Variants in NEGR1 observed in about 807,000 individuals in gnomAD.
NEGR1 encodes the protein IgLON family member 4.
A neutral mutation model predicts 40.9 loss-of-function variants in NEGR1; 10 were observed. The observed-to-expected ratio is 0.24, with a 90% CI of 0.15 to 0.42. The LOEUF (loss-of-function observed/expected upper bound fraction) is 0.42. Among genes scored for constraint, NEGR1 ranks in the 10% least tolerant of loss-of-function variants. The probability of loss-of-function intolerance (pLI) is 1.00; values close to 1 mark genes in which losing one functional copy is unlikely to be tolerated. For synonymous variants in NEGR1, 185 were observed against 166.8 expected, an observed-to-expected ratio of 1.11 and a Z score of -0.84; for missense variants, 352 against 438.9, an observed-to-expected ratio of 0.80 and a Z score of 1.77.
chr1:72,118,528 G>T lies in NEGR1; in HGVS notation c.176+163791C>A, dbSNP rs1291753159. 5.3e-5 allele frequency among the ~76,000 whole-genome samples: 8 copies of T among 151,912 alleles called. No individual in the cohort carries two copies. In the East Asian group the frequency reaches 1.6e-3, roughly 30 times the overall value. Reference sequence around the variant, plus strand: ...GGCAATAATTAGGGCAACAGCTAAGGTGGTGTGATCCTGGAAGACAGTCAG... The same window carrying T: ...GGCAATAATTAGGGCAACAGCTAAGTTGGTGTGATCCTGGAAGACAGTCAG... On this transcript the variant is annotated intron_variant, in intron 1 of 6. Transcript: ENST00000357731.
intron 6 of NEGR1, among the ~76,000 whole-genome samples, chr1:71,566,467 G>C (rs1648622735): frequency 1.3e-5 from 2 of 152,176 alleles, no homozygotes; most frequent in Non-Finnish European, 2.9e-5. Flanking sequence ...TTGCTGTGGT[G>C]GTCTGTGTGC....
chr1:71,630,624 A>T (rs1342081391), intron 4 of NEGR1, among the ~76,000 whole-genome samples: 2 of 151,688 alleles, frequency 1.3e-5, no homozygotes, highest in African/African-American at 2.4e-5. Flanking sequence ...GTATCAAATA[A>T]TTTTTTATGT....
chr1:71,608,457 T>G (rs184958116), intron 5 of NEGR1, among the ~76,000 whole-genome samples: 1 of 148,928 alleles, frequency 6.7e-6, no homozygotes, highest in Non-Finnish European at 1.5e-5. Flanking sequence ...TTTCTATATT[T>G]ACTATAGGCC....
At chr1:71,548,374 T>G (rs553175571) in intron 6 of NEGR1, among the ~76,000 whole-genome samples, 14 of 151,756 alleles carry the variant, frequency 9.2e-5, no homozygotes, top group Admixed American at 6.6e-4. Flanking sequence ...TGAGGCACCC[T>G]CCATGCTGCC....
chr1:72,114,517 T>C (rs1396970533), intron 1 of NEGR1, among the ~76,000 whole-genome samples: 8 of 151,794 alleles, frequency 5.3e-5, no homozygotes, highest in Non-Finnish European at 2.9e-5. Flanking sequence ...TAGATAGAGC[T>C]CCGTTTCTCT....
chr1:71,902,603 C>T (rs1661171401), intron 2 of NEGR1, among the ~76,000 whole-genome samples: 2 of 152,142 alleles, frequency 1.3e-5, no homozygotes, highest in Non-Finnish European at 2.9e-5. Flanking sequence ...TTTATCATTT[C>T]ACCTTTGAAT....
At chr1:71,444,768 A>T (rs1320277057) in intron 6 of NEGR1, among the ~76,000 whole-genome samples, 2 of 152,128 alleles carry the variant, frequency 1.3e-5, no homozygotes, top group Non-Finnish European at 1.5e-5. Flanking sequence ...TGTAGACAAC[A>T]ATATATTTCC....
chr1:71,558,975 A>G (rs763186670), intron 6 of NEGR1, among the ~76,000 whole-genome samples: 44 of 147,866 alleles, frequency 3.0e-4, no homozygotes, highest in South Asian at 6.3e-4. Context: ...GTGCATGTAT[A>G]CACATATCAT....
At chr1:72,218,804 A>C (rs1653912733) in intron 1 of NEGR1, among the ~76,000 whole-genome samples, 1 of 152,046 alleles carries the variant, frequency 6.6e-6, no homozygotes. Context: ...AAAAGAATTT[A>C]AAATATAAAG....
chr1:71,981,399 C>G (rs1403510603), intron 1 of NEGR1, among the ~76,000 whole-genome samples: 1 of 152,140 alleles, frequency 6.6e-6, no homozygotes, highest in Non-Finnish European at 1.5e-5. Flanking sequence ...AAGACTAGCT[C>G]TGCTTTACTC....
intron 1 of NEGR1, among the ~76,000 whole-genome samples, chr1:71,963,407 G>T (rs1646183237): frequency 6.6e-6 from 1 of 152,102 alleles, no homozygotes; most frequent in Non-Finnish European, 1.5e-5. Context: ...GGTGGAGGTT[G>T]GTTGGTCTTT....
At chr1:71,609,440 G>A (rs1163008890) in intron 5 of NEGR1, among the ~76,000 whole-genome samples, 136 of 145,168 alleles carry the variant, frequency 9.4e-4, no homozygotes, top group Non-Finnish European at 1.2e-3. Context: ...GCGTGAACCC[G>A]GGAGGCGGAG....
At position 71,990,809 on chromosome 1, in the gene NEGR1, C is replaced by A. The variant is rs145306870; in HGVS notation, c.177-55498G>T. ...TCCTTGGCTCTCTGTTCTTTTCACT[C>A]TGCATTTTCTTTCTGAGAAAGCTCA... On this transcript the variant is annotated intron_variant, in intron 1 of 6. Transcript: ENST00000357731. Among the ~76,000 whole-genome samples, 3 of 152,060 alleles carry A rather than the reference C, an allele frequency of 2.0e-5. No homozygotes were observed. The East Asian group carries it at 5.8e-4, about 29-fold the overall frequency.
chr1:71,869,052 T>C (rs1415142454), intron 2 of NEGR1, among the ~76,000 whole-genome samples: 1 of 152,202 alleles, frequency 6.6e-6, no homozygotes, highest in East Asian at 1.9e-4. Flanking sequence ...CTGTGTTTCC[T>C]ACACTACACC....
At chr1:72,063,755 A>G (rs147516453) in intron 1 of NEGR1, among the ~76,000 whole-genome samples, 7 of 152,100 alleles carry the variant, frequency 4.6e-5, no homozygotes, top group South Asian at 2.1e-4. Flanking sequence ...CCAGAGAGTC[A>G]TACACTATAC....
intron 5 of NEGR1, among the ~76,000 whole-genome samples, chr1:71,603,996 C>G (rs1399319459): frequency 6.6e-6 from 1 of 152,120 alleles, no homozygotes; most frequent in Non-Finnish European, 1.5e-5. Flanking sequence ...TTACATTAAA[C>G]TAACATTTTC....
chr1:71,923,312 G>C (rs1645737539), intron 2 of NEGR1, among the ~76,000 whole-genome samples: 1 of 152,006 alleles, frequency 6.6e-6, no homozygotes, highest in Admixed American at 6.6e-5. Context: ...TGCTGCTAGT[G>C]TCCATATGTT....
intron 6 of NEGR1, among the ~76,000 whole-genome samples, chr1:71,445,816 C>T (rs753412231): frequency 2.7e-4 from 41 of 152,166 alleles, no homozygotes; most frequent in Non-Finnish European, 5.1e-4. Context: ...AGTTATGTGA[C>T]CTACTGGACA....
chr1:72,230,108 A>C (rs11209937), intron 1 of NEGR1, among the ~76,000 whole-genome samples: 2 of 152,040 alleles, frequency 1.3e-5, no homozygotes, highest in Non-Finnish European at 2.9e-5. Context: ...TCATCTGCCA[A>C]TGTAATTCTA....
Sources: allele counts gnomAD v4.1 joint callset (sites outside exome capture counted in the v4.1 genomes callset), GRCh38; gene constraint gnomAD v4.1.1; transcripts MANE v1.5; gene names NCBI Gene and HGNC (gene_info 2026-07-23, HGNC 2026-07-21).